The following KIF13B variants were observed in gnomAD, a reference collection of about 807,000 sequenced individuals.
The protein encoded by KIF13B is kinesin family member 13B, also known as kinesin-like protein KIF13B.
In KIF13B, 127 loss-of-function variants were observed where a neutral mutation model predicts 222.0. The ratio of observed to expected loss-of-function variants is 0.57; its 90% CI spans 0.50 to 0.66. The LOEUF (loss-of-function observed/expected upper bound fraction) is 0.66, where lower values mean the gene tolerates loss of function less well. KIF13B is among the 30% of genes least tolerant of loss of function. The probability of loss-of-function intolerance (pLI) is 0.00; values close to 1 mark genes in which losing one functional copy is unlikely to be tolerated. For synonymous variants in KIF13B, 976 were observed against 919.0 expected, an observed-to-expected ratio of 1.06 and a Z score of -1.12; for missense variants, 2,173 against 2,379.0, an observed-to-expected ratio of 0.91 and a Z score of 1.80.
chr8:29,141,326 T>A (rs1419552886), intron 19 of KIF13B, among the ~76,000 whole-genome samples: 1 of 150,922 alleles, frequency 6.6e-6, no homozygotes, highest in Non-Finnish European at 1.5e-5. Flanking sequence ...AGAGCAAGAC[T>A]CCATCTAAAA....
At position 29,083,714 on chromosome 8, in the gene KIF13B, C is replaced by T. The variant is rs193066453; in HGVS notation, c.4459-8371G>A. ...GAGTGCCTAAAAACTCCTCCCTAAA[C>T]TGAACAGAAATCAGTTGCCCTGAAT... On this transcript the variant is annotated intron_variant, in intron 37 of 39. Coordinates refer to ENST00000524189, the MANE Select transcript of KIF13B (RefSeq NM_015254.4). Among the ~76,000 whole-genome samples the T allele has an allele frequency of 2.7e-3, 411 of 152,268 alleles. 2 individuals are homozygous for T. The highest frequency in any genetic ancestry group is 4.5e-3 in the Non-Finnish European group (305 of 68,004).
At chr8:29,132,666 C>A (rs369754665) in intron 22 of KIF13B, among the ~76,000 whole-genome samples, 1 of 152,092 alleles carries the variant, frequency 6.6e-6, no homozygotes, top group African/African-American at 2.4e-5. Flanking sequence ...AAGTATAAAT[C>A]GGAATTTTTT....
At chr8:29,252,358 T>C (rs1170816297) in intron 1 of KIF13B, among the ~76,000 whole-genome samples, 2 of 152,256 alleles carry the variant, frequency 1.3e-5, no homozygotes, top group South Asian at 2.1e-4. Context: ...ACATAACTCA[T>C]GTTCCATCTG....
intron 32 of KIF13B, chr8:29,110,754 G>A (rs1478766693): frequency 6.6e-6 from 1 of 152,252 alleles, no homozygotes; most frequent in Non-Finnish European, 1.5e-5. Context: ...AATGGGAGGT[G>A]CACAGTCAGA....
chr8:29,150,777 C>T lies in KIF13B; in HGVS notation c.1536-394G>A, dbSNP rs189661616. Among the ~76,000 whole-genome samples, 3 of 152,262 alleles carry T rather than the reference C, an allele frequency of 2.0e-5. No homozygotes were observed. In the East Asian group the frequency reaches 5.8e-4, roughly 29 times the overall value. Reference sequence around the variant, plus strand: ...TGTTTTTGGAACATCGTGAACTGCACCCATGTAAAATGGTAAATTTAGTAA... The same window carrying T: ...TGTTTTTGGAACATCGTGAACTGCATCCATGTAAAATGGTAAATTTAGTAA... On this transcript the variant is annotated intron_variant, in intron 14 of 39. Transcript: ENST00000524189.
intron 2 of KIF13B, among the ~76,000 whole-genome samples, chr8:29,237,953 T>C (rs906182450): frequency 2.0e-5 from 3 of 152,190 alleles, no homozygotes; most frequent in Non-Finnish European, 2.9e-5. Context: ...TGTACTCTAA[T>C]AAAATTAGCA....
At chr8:29,128,910 G>A (rs962370600) in intron 24 of KIF13B, among the ~76,000 whole-genome samples, 17 of 152,154 alleles carry the variant, frequency 1.1e-4, no homozygotes, top group African/African-American at 3.6e-4. Context: ...AGACTCAAAT[G>A]AGCCTAGCAT....
chr8:29,088,094 T>C (rs1808127367), intron 37 of KIF13B, among the ~76,000 whole-genome samples: 1 of 151,930 alleles, frequency 6.6e-6, no homozygotes, highest in Non-Finnish European at 1.5e-5. Flanking sequence ...GGTGAAACTC[T>C]GTCTGTACTA....
At chr8:29,171,740 CAT>C (rs1271307426) in intron 10 of KIF13B, among the ~76,000 whole-genome samples, 4 of 147,376 alleles carry the variant, frequency 2.7e-5, no homozygotes, top group Non-Finnish European at 4.5e-5. Flanking sequence ...TAAAAAAAAT[CAT>C]ATAATTTTTT....
intron 38 of KIF13B, among the ~76,000 whole-genome samples, chr8:29,074,519 T>C (rs1288818996): frequency 1.3e-5 from 2 of 152,214 alleles, no homozygotes; most frequent in Non-Finnish European, 2.9e-5. Flanking sequence ...AAAACCACCA[T>C]GATGAGCTAC....
At chr8:29,219,801 G>T (rs987587789) in intron 2 of KIF13B, among the ~76,000 whole-genome samples, 1 of 151,554 alleles carries the variant, frequency 6.6e-6, no homozygotes, top group Admixed American at 6.6e-5. Context: ...GGTGGCTCAC[G>T]CCTGTAATCC....
At chr8:29,177,392 TTAA>T in intron 9 of KIF13B, 71 bp downstream of exon 9, 2 of 1,072,926 alleles carry the variant, frequency 1.9e-6, no homozygotes, top group Non-Finnish European at 2.9e-6. Context: ...CCTTAATATT[TTAA>T]TAACCACAGA....
chr8:29,070,034 T>TG lies in KIF13B; in HGVS notation c.*469dup, dbSNP rs1171525365. ...GGAAACTGGGACCAGGGTGGGAGGC[T>TG]GGGGGGCTTGCGGAGTGAGCCAGGA... is the stretch of plus-strand genomic sequence containing the variant. On this transcript the variant is annotated 3_prime_UTR_variant, in exon 40 of 40. Transcript: ENST00000524189. The surrounding 1 kb of genome is among the most constrained non-coding windows in gnomAD (Gnocchi z 4.1). 3.3e-4 allele frequency: 4 copies of TG among 12,284 alleles called. No homozygotes were observed. The African/African-American group carries it at 5.9e-3, about 18-fold the overall frequency. The allele number at this position is 12,284 out of a possible 1,614,324, so 0.8% of individuals were successfully genotyped here.
At chr8:29,199,867 T>C (rs1813618475) in intron 2 of KIF13B, among the ~76,000 whole-genome samples, 1 of 152,196 alleles carries the variant, frequency 6.6e-6, no homozygotes, top group Admixed American at 6.5e-5. Context: ...CTAGAGTACA[T>C]TTACTCTATT....
intron 36 of KIF13B, among the ~76,000 whole-genome samples, chr8:29,094,852 T>C (rs1290205252): frequency 6.8e-6 from 1 of 146,994 alleles, no homozygotes; most frequent in Non-Finnish European, 1.5e-5. Context: ...CAGCAGCAAA[T>C]GGAAATTCTA....
intron 10 of KIF13B, among the ~76,000 whole-genome samples, chr8:29,174,884 G>A (rs1162224749): frequency 6.6e-6 from 1 of 152,152 alleles, no homozygotes; most frequent in East Asian, 1.9e-4. Flanking sequence ...CTCTTGAGAG[G>A]AGGAGGAAAC....
chr8:29,117,117 C>T (rs1174342873), intron 30 of KIF13B, 110 bp from the exon 31 acceptor site: 3 of 874,686 alleles, frequency 3.4e-6, no homozygotes, highest in Non-Finnish European at 3.4e-6. Flanking sequence ...CAGTCACCAG[C>T]AAAGTTCTAC....
chr8:29,127,322 T>C (rs561090754), intron 24 of KIF13B, 54 bp from the exon 25 acceptor site: 53 of 1,557,680 alleles, frequency 3.4e-5, no homozygotes, highest in African/African-American at 2.0e-4. Flanking sequence ...TTCCAAAAAT[T>C]TGATTTAGAG....
chr8:29,158,065 G>A (rs1417573943), intron 13 of KIF13B, among the ~76,000 whole-genome samples: 1 of 152,102 alleles, frequency 6.6e-6, no homozygotes, highest in African/African-American at 2.4e-5. Flanking sequence ...TTTACTAGCT[G>A]TTTCCTCCGT....
Sources: allele counts gnomAD v4.1 joint callset (sites outside exome capture counted in the v4.1 genomes callset), GRCh38; gene constraint gnomAD v4.1.1; non-coding constraint Gnocchi (gnomAD v3.1); transcripts MANE v1.5; gene names NCBI Gene and HGNC (gene_info 2026-07-23, HGNC 2026-07-21).